The following LAMP1 variants were observed in gnomAD, a reference collection of about 807,000 sequenced individuals.
LAMP1 encodes the protein lysosome-associated membrane glycoprotein 1.
A neutral mutation model predicts 37.5 loss-of-function variants in LAMP1; 7 were observed. The observed-to-expected ratio is 0.19, with a 90% CI of 0.11 to 0.35. The LOEUF (loss-of-function observed/expected upper bound fraction) is 0.35. Ranked by LOEUF, LAMP1 falls within the 10% of genes least tolerant of loss-of-function variation. LAMP1 has a pLI of 1.00. For synonymous variants in LAMP1, 236 were observed against 229.1 expected, an observed-to-expected ratio of 1.03 and a Z score of -0.27; for missense variants, 537 against 552.8, an observed-to-expected ratio of 0.97 and a Z score of 0.29.
chr13:113,301,644 A>AAAATATATATATAT (rs2042574129), intron 1 of LAMP1, among the ~76,000 whole-genome samples: 1 of 3,874 alleles, frequency 2.6e-4, no homozygotes, highest in African/African-American at 7.1e-4. Flanking sequence ...AAAAAAAAAA[A>AAAATATATATATAT]ATATATATAT....
Position 113,317,238 on chromosome 13 carries a change from A to T in LAMP1, c.563-2231A>T, listed in dbSNP as rs563078050. ...AGGTCTCCCCAGAGGCTCCTGTGCC[A>T]CCATCTCCCCCCGGGCAGCGCAGGG... On this transcript the variant is annotated intron_variant, in intron 4 of 8. Coordinates refer to ENST00000332556, the MANE Select transcript of LAMP1 (RefSeq NM_005561.4). Among the ~76,000 whole-genome samples, 7 of 152,196 alleles carry T rather than the reference A, an allele frequency of 4.6e-5. No homozygotes were observed. In the East Asian group the frequency reaches 1.4e-3, roughly 29 times the overall value.
chr13:113,314,463 G>A (rs1441917279), intron 4 of LAMP1, among the ~76,000 whole-genome samples: 5 of 80,240 alleles, frequency 6.2e-5, no homozygotes, highest in Non-Finnish European at 1.1e-4. Context: ...GTGGCCTCCT[G>A]GAGGGAACCA....
rs1369397069 is a variant in LAMP1 at position 113,321,884 on chromosome 13, C to A, written c.1114+157C>A. 1.4e-6 allele frequency: 1 copy of A among 720,500 alleles called. No homozygotes were observed. The highest frequency in any genetic ancestry group is 2.3e-6 in the Non-Finnish European group (1 of 443,078). 44.6% of individuals were successfully genotyped at this position (720,500 alleles called of 1,614,324 possible). On this transcript the variant is annotated intron_variant, in intron 8 of 8. Coordinates refer to ENST00000332556, the MANE Select transcript of LAMP1 (RefSeq NM_005561.4). The surrounding 1 kb of genome is among the most constrained non-coding windows in gnomAD (Gnocchi z 5.6). ...CCGGTCTGAGATTCTAGAGGTAACT[C>A]CCCCTGCTTTAGAGAGGCCCAGCGT...
rs9577501 is a variant in LAMP1 at position 113,306,874 on chromosome 13, C to T, written c.183+268C>T. On this transcript the variant is annotated intron_variant, in intron 2 of 8. Coordinates refer to ENST00000332556, the MANE Select transcript of LAMP1 (RefSeq NM_005561.4). ...TTTTTTTTTGAGACGGAGTCTCGCT[C>T]TGTCACCCAGGCTGGAGTGCAGTGG... is the stretch of plus-strand genomic sequence containing the variant. 4.0e-3 allele frequency among the ~76,000 whole-genome samples: 427 copies of T among 106,564 alleles called. 16 individuals carry two copies. In the East Asian group the frequency reaches 0.1, roughly 25 times the overall value. The allele number at this position is 106,564 out of a possible 152,430, so 69.9% of individuals were successfully genotyped here.
chr13:113,306,419 A>T lies in LAMP1; in HGVS notation c.62-66A>T, dbSNP rs918516927. The T allele has an allele frequency of 5.8e-6, 9 of 1,546,996 alleles. No individual in the cohort carries two copies. The Admixed American group carries it at 1.5e-4, about 25-fold the overall frequency. ...GCCATCACTGCTACAGCTGTGGAAA[A>T]TGGAAATACTCGGTCGTATTTTCTG... is the stretch of plus-strand genomic sequence containing the variant. On this transcript the variant is annotated intron_variant, in intron 1 of 8. Transcript: ENST00000332556.
chr13:113,321,690 C>G lies in LAMP1; in HGVS notation c.1077C>G (p.Val359=), dbSNP rs2042701341. The G allele has an allele frequency of 1.2e-6, 2 of 1,614,058 alleles. No homozygotes were observed. The highest frequency in any genetic ancestry group is 1.3e-5 in the African/African-American group (1 of 74,920). ...AFSVNIFKVW[V]QAFKVEGGQF... ...CAGTCAATATATTCAAAGTGTGGGT[C>G]CAGGCTTTCAAGGTGGAAGGTGGCC... The change falls in exon 8 of 9, where the codon GTC becomes GTG. Residue 359 remains valine (V), a synonymous_variant. Transcript: ENST00000332556. The surrounding 1 kb of genome is among the most constrained non-coding windows in gnomAD (Gnocchi z 5.6).
At chr13:113,306,834 C>CTTTTTTTTT (rs780041684) in intron 2 of LAMP1, among the ~76,000 whole-genome samples, 5,464 of 80,090 alleles carry the variant, frequency 0.068, 1,019 homozygotes, top group Non-Finnish European at 0.088. Flanking sequence ...GAACATTTTC[C>CTTTTTTTTT]TTTTTTTTTT....
At chr13:113,318,925 G>A (rs1246771787) in intron 4 of LAMP1, among the ~76,000 whole-genome samples, 6 of 152,180 alleles carry the variant, frequency 3.9e-5, no homozygotes, top group Admixed American at 2.0e-4. Flanking sequence ...GCTGCTCTGC[G>A]TCCCACCTGG....
intron 4 of LAMP1, among the ~76,000 whole-genome samples, chr13:113,313,742 T>C (rs1437650718): frequency 6.7e-5 from 8 of 119,880 alleles, no homozygotes; most frequent in Admixed American, 6.3e-4. Context: ...TGTGGCCTCC[T>C]GGAGGGAGTC....
chr13:113,316,360 A>G (rs868283490), intron 4 of LAMP1, among the ~76,000 whole-genome samples: 4 of 148,702 alleles, frequency 2.7e-5, no homozygotes, highest in South Asian at 2.2e-4. Context: ...GGACTGCCTG[A>G]CTCCTGTTAG....
At chr13:113,318,450 T>C (rs997325070) in intron 4 of LAMP1, among the ~76,000 whole-genome samples, 2 of 152,178 alleles carry the variant, frequency 1.3e-5, no homozygotes, top group Non-Finnish European at 2.9e-5. Context: ...GGAAATTATA[T>C]AAATATTATT....
chr13:113,301,638 AAAAAAAATATATATATATATATAT>A (rs1241938204), intron 1 of LAMP1, among the ~76,000 whole-genome samples: 539 of 28,942 alleles, frequency 0.019, 32 homozygotes, highest in South Asian at 0.045. Flanking sequence ...AAAAAAAAAA[AAAAAAAATATATATATATATATAT>A]ATATATATAT....
At chr13:113,299,902 A>G (rs1484556070) in intron 1 of LAMP1, among the ~76,000 whole-genome samples, 49 of 152,146 alleles carry the variant, frequency 3.2e-4, no homozygotes, top group Admixed American at 3.2e-3. Flanking sequence ...AACAACTTGC[A>G]TTTAAAGATA....
rs1290559870 is a variant in LAMP1, at chr13:113,309,866, A to G, written c.403+4A>G. ...TTCCCCAATGCGAGCTCCAAAGGTA[A>G]GAACCAAAATGGGCCGATTATGAAG... On this transcript the variant is annotated splice_donor_region_variant and intron_variant, in intron 3 of 8. Coordinates refer to ENST00000332556, the MANE Select transcript of LAMP1 (RefSeq NM_005561.4). 4 of 1,609,612 alleles carry G rather than the reference A, an allele frequency of 2.5e-6. No homozygotes were observed. The highest frequency in any genetic ancestry group is 3.4e-6 in the Non-Finnish European group (4 of 1,177,480).
chr13:113,307,314 C>T (rs1367793572), intron 2 of LAMP1, among the ~76,000 whole-genome samples: 7 of 151,754 alleles, frequency 4.6e-5, no homozygotes, highest in East Asian at 1.9e-4. Flanking sequence ...CCCACCACCA[C>T]GCCTGGCTGA....
intron 4 of LAMP1, among the ~76,000 whole-genome samples, chr13:113,311,251 C>T (rs2042629722): frequency 1.3e-5 from 2 of 152,132 alleles, no homozygotes; most frequent in South Asian, 4.1e-4. Flanking sequence ...GGAATTAGTA[C>T]AGCATGTGAC....
chr13:113,322,485 G>A lies in LAMP1; in HGVS notation c.*64G>A. ...TTCCTTTCTCTGGGCTTAGGGTCCT[G>A]TCGAAGGGGAGGCACACTTTCTGGC... On this transcript the variant is annotated 3_prime_UTR_variant, in exon 9 of 9. Transcript: ENST00000332556. 6.7e-7 allele frequency: 1 copy of A among 1,485,872 alleles called. No homozygotes were observed. The highest frequency in any genetic ancestry group is 9.1e-7 in the Non-Finnish European group (1 of 1,103,186). 92.0% of individuals were successfully genotyped at this position (1,485,872 alleles called of 1,614,324 possible).
intron 2 of LAMP1, among the ~76,000 whole-genome samples, chr13:113,308,493 T>C (rs1595459277): frequency 6.6e-6 from 1 of 151,032 alleles, no homozygotes; most frequent in African/African-American, 2.4e-5. Flanking sequence ...CCCAGCTAAT[T>C]TTTGTATTTT....
Position 113,321,653 on chromosome 13 carries a change from C to T in LAMP1, c.1040C>T (p.Thr347Met), listed in dbSNP as rs1057202438. ...AACGCGGAGGAGCACGTCCGTGTCA[C>T]GAAGGCGTTTTCAGTCAATATATTC... The part of the protein sequence containing the change: ...KCNAEEHVRV[T>M]KAFSVNIFKV... The change falls in exon 8 of 9, where the codon ACG becomes ATG. Residue 347 changes from threonine (T) to methionine (M), a missense_variant. Thr to Met is a moderately conservative substitution (Grantham distance 81). Coordinates refer to ENST00000332556, the MANE Select transcript of LAMP1 (RefSeq NM_005561.4). The surrounding 1 kb of genome is among the most constrained non-coding windows in gnomAD (Gnocchi z 5.6). 6 of 1,614,186 alleles carry T rather than the reference C, an allele frequency of 3.7e-6. No individual in the cohort carries two copies. Among genetic ancestry groups the T allele is most frequent in the South Asian group, 3.3e-5 (3 of 91,086 alleles).
Sources: gnomAD v4.1 joint callset for allele counts (sites outside exome capture counted in the v4.1 genomes callset) on GRCh38, gnomAD v4.1.1 for gene constraint, Gnocchi (gnomAD v3.1) non-coding constraint, MANE v1.5 for transcripts, NCBI Gene and HGNC (gene_info 2026-07-23, HGNC 2026-07-21) for gene names.